The following MAN1C1 variants were observed in gnomAD, a reference collection of about 807,000 sequenced individuals.
MAN1C1 encodes the protein mannosyl-oligosaccharide 1,2-alpha-mannosidase IC.
In MAN1C1, 49 loss-of-function variants were observed where a neutral mutation model predicts 71.5. The observed-to-expected ratio is 0.69, with a 90% CI of 0.54 to 0.87. The LOEUF (loss-of-function observed/expected upper bound fraction) is 0.87, where lower values mean the gene tolerates loss of function less well. MAN1C1 is among the 40% of genes least tolerant of loss of function. The pLI, the probability that MAN1C1 is intolerant of heterozygous loss-of-function variation, is 0.00. For synonymous variants in MAN1C1, 352 were observed against 343.7 expected, an observed-to-expected ratio of 1.02 and a Z score of -0.27; for missense variants, 743 against 835.0, an observed-to-expected ratio of 0.89 and a Z score of 1.36.
At chr1:25,703,424 G>C (rs60755264) in intron 2 of MAN1C1, among the ~76,000 whole-genome samples, 1 of 152,196 alleles carries the variant, frequency 6.6e-6, no homozygotes, top group Non-Finnish European at 1.5e-5. Flanking sequence ...GCTCACACCT[G>C]TAATCCCAGC....
chr1:25,750,909 G>A (rs2047205133), intron 4 of MAN1C1, among the ~76,000 whole-genome samples: 6 of 152,194 alleles, frequency 3.9e-5, no homozygotes, highest in Admixed American at 3.9e-4. Context: ...GGGCGGTTTG[G>A]GGGTGAGCAA....
At chr1:25,643,865 T>G (rs2045573471) in intron 1 of MAN1C1, among the ~76,000 whole-genome samples, 1 of 152,096 alleles carries the variant, frequency 6.6e-6, no homozygotes, top group Non-Finnish European at 1.5e-5. Context: ...AAAATTGCCT[T>G]CATGTGGCTG....
intron 9 of MAN1C1, among the ~76,000 whole-genome samples, chr1:25,780,349 C>T (rs1039134091): frequency 2.0e-5 from 3 of 152,146 alleles, no homozygotes; most frequent in African/African-American, 7.2e-5. Flanking sequence ...CCTCAGCTCC[C>T]TCTGTGGGAG....
At chr1:25,727,812 C>A (rs894316252) in intron 2 of MAN1C1, among the ~76,000 whole-genome samples, 3 of 152,220 alleles carry the variant, frequency 2.0e-5, no homozygotes. Flanking sequence ...GACAAGCTGG[C>A]AGATTGCCCA....
At chr1:25,641,728 C>G (rs913022603) in intron 1 of MAN1C1, among the ~76,000 whole-genome samples, 2 of 152,124 alleles carry the variant, frequency 1.3e-5, no homozygotes, top group African/African-American at 4.8e-5. Flanking sequence ...TTCCCTTTGA[C>G]CCACTTATGG....
At chr1:25,752,744 C>A (rs1488940519) in intron 4 of MAN1C1, among the ~76,000 whole-genome samples, 1 of 152,224 alleles carries the variant, frequency 6.6e-6, no homozygotes, top group Non-Finnish European at 1.5e-5. Context: ...GGCCGTGAGG[C>A]CTGGGACCTC....
At chr1:25,693,638 A>G (rs1195150619) in intron 2 of MAN1C1, among the ~76,000 whole-genome samples, 1 of 152,168 alleles carries the variant, frequency 6.6e-6, no homozygotes, top group East Asian at 1.9e-4. Context: ...CTCGGAAAAA[A>G]AGAGAAAATT....
At chr1:25,747,221 TG>T (rs1367277629) in intron 3 of MAN1C1, among the ~76,000 whole-genome samples, 2 of 152,150 alleles carry the variant, frequency 1.3e-5, no homozygotes, top group Non-Finnish European at 2.9e-5. Flanking sequence ...CCTGTTGAGA[TG>T]GCCGGGTGGG....
chr1:25,647,199 CA>C (rs1487940910), intron 1 of MAN1C1, among the ~76,000 whole-genome samples: 1 of 152,178 alleles, frequency 6.6e-6, no homozygotes, highest in Non-Finnish European at 1.5e-5. Flanking sequence ...GTGGCATTCA[CA>C]AGTGCAGCTG....
At chr1:25,695,452 G>A (rs2046357823) in intron 2 of MAN1C1, among the ~76,000 whole-genome samples, 1 of 152,170 alleles carries the variant, frequency 6.6e-6, no homozygotes, top group South Asian at 2.1e-4. Flanking sequence ...CGGCCCCATG[G>A]TGGTCTCCTT....
At chr1:25,713,581 A>G (rs1354155073) in intron 2 of MAN1C1, among the ~76,000 whole-genome samples, 1 of 152,144 alleles carries the variant, frequency 6.6e-6, no homozygotes, top group Non-Finnish European at 1.5e-5. Flanking sequence ...CTATTTTGCT[A>G]GAGGTGTTTG....
At chr1:25,770,916 A>G (rs2047541954) in intron 7 of MAN1C1, among the ~76,000 whole-genome samples, 1 of 152,020 alleles carries the variant, frequency 6.6e-6, no homozygotes, top group African/African-American at 2.4e-5. Flanking sequence ...CCTGTTGTTA[A>G]TTTTCAAAGC....
chr1:25,777,305 CTG>C (rs1231869596), intron 8 of MAN1C1, among the ~76,000 whole-genome samples: 1 of 152,216 alleles, frequency 6.6e-6, no homozygotes, highest in Non-Finnish European at 1.5e-5. Flanking sequence ...GGCCTCGAGA[CTG>C]TGTGAGCAGC....
chr1:25,705,726 A>G lies in MAN1C1; in HGVS notation c.637+19190A>G, dbSNP rs542668473. Among the ~76,000 whole-genome samples the G allele has an allele frequency of 1.3e-4, 20 of 152,318 alleles. No individual in the cohort carries two copies. In the East Asian group the frequency reaches 2.9e-3, roughly 22 times the overall value. On this transcript the variant is annotated intron_variant, in intron 2 of 11. Transcript: ENST00000374332. ...TTTAGGAGGCCAAGGCAGGAGGATCATTTGAGGCCAGGAGACCTGGAAAGT... is the reference window on the plus strand; with the variant it reads ...TTTAGGAGGCCAAGGCAGGAGGATCGTTTGAGGCCAGGAGACCTGGAAAGT...
At chr1:25,684,064 A>G (rs1557764141) in intron 1 of MAN1C1, among the ~76,000 whole-genome samples, 2 of 152,110 alleles carry the variant, frequency 1.3e-5, no homozygotes, top group Non-Finnish European at 2.9e-5. Context: ...TTACTCTGGA[A>G]CACCCACTTC....
chr1:25,725,830 C>A lies in MAN1C1; in HGVS notation c.638-20838C>A, dbSNP rs1244061379. ...GGGCTGGGTTCAAGGCACCTGAGAA[C>A]AACAGATGCACATGGTAGAGCTGAA... On this transcript the variant is annotated intron_variant, in intron 2 of 11. Transcript: ENST00000374332. This position sits in a 1 kb window ranked among gnomAD's most constrained non-coding sequence, Gnocchi z 4.8. 6.6e-6 allele frequency among the ~76,000 whole-genome samples: 1 copy of A among 152,238 alleles called. No individual in the cohort carries two copies. The highest frequency in any genetic ancestry group is 2.1e-4 in the South Asian group (1 of 4,836).
chr1:25,707,604 G>A (rs1025447796), intron 2 of MAN1C1, among the ~76,000 whole-genome samples: 1 of 152,090 alleles, frequency 6.6e-6, no homozygotes, highest in African/African-American at 2.4e-5. Flanking sequence ...TATCATCAGG[G>A]TCCCTGGTAC....
chr1:25,754,891 A>G (rs1388888592), intron 5 of MAN1C1, among the ~76,000 whole-genome samples: 1 of 152,214 alleles, frequency 6.6e-6, no homozygotes, highest in Non-Finnish European at 1.5e-5. Flanking sequence ...ATGTACATTC[A>G]TGTATATTTC....
chr1:25,618,139 C>T lies in MAN1C1; in HGVS notation c.342C>T (p.Pro114=). The T allele has an allele frequency of 6.5e-7, 1 of 1,533,630 alleles. No individual in the cohort carries two copies. Among genetic ancestry groups the T allele is most frequent in the Middle Eastern group, 1.8e-4 (1 of 5,570 alleles). The change falls in exon 1 of 12, where the codon CCC becomes CCT. Residue 114 remains proline (P), a synonymous_variant. Coordinates refer to ENST00000374332, the MANE Select transcript of MAN1C1 (RefSeq NM_020379.4). The stretch of plus-strand genomic sequence containing the variant: ...AAGGGGGGCTGCGGCGCACCCGCCC[C>T]ACTGGACCCCGCGAGGAGGCCACGG... ...RRKGGLRRTR[P]TGPREEATAA... is the part of the protein sequence containing the mutation.
Sources: allele counts gnomAD v4.1 joint callset (sites outside exome capture counted in the v4.1 genomes callset), GRCh38; gene constraint gnomAD v4.1.1; non-coding constraint Gnocchi (gnomAD v3.1); transcripts MANE v1.5; gene names NCBI Gene and HGNC (gene_info 2026-07-23, HGNC 2026-07-21).